SYNPO2: variants seen among roughly 807,000 people sequenced by gnomAD.
SYNPO2 encodes synaptopodin 2, also known as synaptopodin-2.
A neutral mutation model predicts 85.0 loss-of-function variants in SYNPO2; 56 were observed. That is an observed-to-expected ratio of 0.66 (90% CI 0.53 to 0.82). The LOEUF is 0.82. Ranked by LOEUF, SYNPO2 falls within the 40% of genes least tolerant of loss-of-function variation. SYNPO2 has a pLI of 0.00. For synonymous variants in SYNPO2, 602 were observed against 591.1 expected, an observed-to-expected ratio of 1.02 and a Z score of -0.27; for missense variants, 1,575 against 1,534.2, an observed-to-expected ratio of 1.03 and a Z score of -0.44.
chr4:118,972,180 A>G (rs1735564092), intron 1 of SYNPO2, among the ~76,000 whole-genome samples: 2 of 152,280 alleles, frequency 1.3e-5, no homozygotes, highest in East Asian at 3.9e-4. Context: ...GCAGAGGCTC[A>G]TGCATGCCTG....
At chr4:118,998,805 G>A (rs1736715493) in intron 1 of SYNPO2, among the ~76,000 whole-genome samples, 1 of 152,168 alleles carries the variant, frequency 6.6e-6, no homozygotes, top group South Asian at 2.1e-4. Flanking sequence ...TCCAATAAAT[G>A]GATCAAAGTT....
intron 1 of SYNPO2, among the ~76,000 whole-genome samples, chr4:119,010,892 G>A (rs1195481825): frequency 6.6e-6 from 1 of 152,144 alleles, no homozygotes; most frequent in African/African-American, 2.4e-5. Context: ...GTTCAACACA[G>A]ACCCCTGGCT....
chr4:118,871,740 G>T (rs1014825970), intron 1 of SYNPO2, among the ~76,000 whole-genome samples: 5 of 151,958 alleles, frequency 3.3e-5, no homozygotes, highest in Non-Finnish European at 7.4e-5. Context: ...GGGCTAATTT[G>T]TTGTATTTTT....
intron 4 of SYNPO2, among the ~76,000 whole-genome samples, chr4:119,055,296 C>A (rs1739176003): frequency 6.6e-6 from 1 of 152,020 alleles, no homozygotes; most frequent in Non-Finnish European, 1.5e-5. Context: ...GGATTACAGG[C>A]CTATGCCATC....
intron 4 of SYNPO2, among the ~76,000 whole-genome samples, chr4:119,053,600 C>A (rs12506878): frequency 0.39 from 59,327 of 152,012 alleles, 11,832 homozygotes; most frequent in East Asian, 0.55. Flanking sequence ...CTTACTCTTT[C>A]AATACCATAC....
At chr4:118,998,691 T>G (rs1736709818) in intron 1 of SYNPO2, among the ~76,000 whole-genome samples, 1 of 152,230 alleles carries the variant, frequency 6.6e-6, no homozygotes, top group Non-Finnish European at 1.5e-5. Context: ...GGATCTTAAC[T>G]TCTCTGGATC....
At chr4:118,916,177 T>C (rs533964324) in intron 1 of SYNPO2, among the ~76,000 whole-genome samples, 1 of 149,222 alleles carries the variant, frequency 6.7e-6, no homozygotes, top group East Asian at 2.0e-4. Flanking sequence ...TTTTTTGGGT[T>C]TTTTTTTTTT....
intron 1 of SYNPO2, among the ~76,000 whole-genome samples, chr4:118,975,068 A>C (rs13102598): frequency 0.27 from 41,530 of 151,962 alleles, 6,237 homozygotes; most frequent in East Asian, 0.44. Flanking sequence ...CAGTAATCCA[A>C]CCTTACTTTC....
At chr4:118,948,085 T>G (rs1386976692) in intron 1 of SYNPO2, among the ~76,000 whole-genome samples, 1 of 152,224 alleles carries the variant, frequency 6.6e-6, no homozygotes, top group Non-Finnish European at 1.5e-5. Context: ...CTTTTTTCCC[T>G]CTCTAGAATT....
intron 1 of SYNPO2, among the ~76,000 whole-genome samples, chr4:118,909,686 T>A (rs558234584): frequency 1.4e-3 from 207 of 152,334 alleles, no homozygotes; most frequent in African/African-American, 4.8e-3. Context: ...GTGAACTTAT[T>A]CCTGTGCATG....
chr4:118,928,261 A>AG lies in SYNPO2; in HGVS notation c.105+39124dup, dbSNP rs368657149. 3.4e-3 allele frequency among the ~76,000 whole-genome samples: 515 copies of AG among 152,344 alleles called. 1 individual carries two copies. Among genetic ancestry groups the AG allele is most frequent in the Non-Finnish European group, 5.6e-3 (379 of 68,028 alleles). ...TTGTACAGAACTAATCAGTCCATGT[A>AG]GGGGTTTATTAGCTAATTGGTCAGA... On this transcript the variant is annotated intron_variant, in intron 1 of 4. Coordinates refer to ENST00000307142, the MANE Select transcript of SYNPO2 (RefSeq NM_133477.3).
chr4:118,977,048 C>G (rs911284114), intron 1 of SYNPO2, among the ~76,000 whole-genome samples: 5 of 152,232 alleles, frequency 3.3e-5, no homozygotes, highest in Admixed American at 6.5e-5. Context: ...GCCGTGCGCT[C>G]GCATTCCTCA....
In SYNPO2 at chr4:118,937,824, G is replaced by C. The variant is rs535686293; in HGVS notation, c.105+48683G>C. ...TGTCCCTTGGTATCTGTGGAAGATTGGTTCCAGGACCCTGCTTGGATACCA... is the reference window on the plus strand; with the variant it reads ...TGTCCCTTGGTATCTGTGGAAGATTCGTTCCAGGACCCTGCTTGGATACCA... On this transcript the variant is annotated intron_variant, in intron 1 of 4. Transcript: ENST00000307142. Among the ~76,000 whole-genome samples the C allele has an allele frequency of 3.8e-4, 58 of 152,268 alleles. 1 individual carries two copies. Among genetic ancestry groups the C allele is most frequent in the Admixed American group, 1.0e-3 (16 of 15,300 alleles).
At position 119,061,216 on chromosome 4, in the gene SYNPO2, A is replaced by T. The variant is rs1052339267; in HGVS notation, c.*3282A>T. 6.6e-6 allele frequency: 1 copy of T among 152,144 alleles called. No homozygotes were observed. Among genetic ancestry groups the T allele is most frequent in the Admixed American group, 6.6e-5 (1 of 15,264 alleles). The allele number at this position is 152,144 out of a possible 1,614,324, so 9.4% of individuals were successfully genotyped here. The stretch of plus-strand genomic sequence containing the variant: ...AATATGCATACGGAAAATTGAAATT[A>T]TATTAGTAATAAATGTAACTTGAAA... On this transcript the variant is annotated 3_prime_UTR_variant, in exon 5 of 5. Coordinates refer to ENST00000307142, the MANE Select transcript of SYNPO2 (RefSeq NM_133477.3).
chr4:118,900,701 CTCTATATATATA>C (rs1304068638), intron 1 of SYNPO2, among the ~76,000 whole-genome samples: 90 of 27,142 alleles, frequency 3.3e-3, no homozygotes, highest in East Asian at 0.015. Flanking sequence ...CTCTCTCTCT[CTCTATATATATA>C]TATATATATA....
chr4:118,865,559 A>G (rs539721952), intron 1 of SYNPO2, among the ~76,000 whole-genome samples: 118 of 152,364 alleles, frequency 7.7e-4, no homozygotes, highest in Non-Finnish European at 1.3e-3. Context: ...AAACAGTGTC[A>G]AGGGTTATGA....
intron 1 of SYNPO2, among the ~76,000 whole-genome samples, chr4:118,929,792 A>G (rs1733863076): frequency 6.6e-6 from 1 of 152,180 alleles, no homozygotes. Flanking sequence ...GGTTTAAGTC[A>G]AATTCCATTA....
At chr4:119,038,691 C>T (rs1738613017) in intron 4 of SYNPO2, among the ~76,000 whole-genome samples, 1 of 152,100 alleles carries the variant, frequency 6.6e-6, no homozygotes. Flanking sequence ...CACAAGTTTT[C>T]AGTATTTCAG....
At chr4:118,987,643 G>A (rs62327842) in intron 1 of SYNPO2, among the ~76,000 whole-genome samples, 2,688 of 119,366 alleles carry the variant, frequency 0.023, 77 homozygotes, top group African/African-American at 0.072. Context: ...CAGCCCACAT[G>A]AAAAAAAAAA....
Sources: allele counts gnomAD v4.1 joint callset (sites outside exome capture counted in the v4.1 genomes callset), GRCh38; gene constraint gnomAD v4.1.1; transcripts MANE v1.5; gene names NCBI Gene and HGNC (gene_info 2026-07-23, HGNC 2026-07-21).